Variants in KIF21A observed in about 807,000 individuals in gnomAD.
KIF21A encodes kinesin family member 21A.
In KIF21A, 114 loss-of-function variants were observed where a neutral mutation model predicts 202.9. The observed-to-expected ratio is 0.56, with a 90% CI of 0.48 to 0.66. The LOEUF (loss-of-function observed/expected upper bound fraction) is 0.66. KIF21A is among the 30% of genes least tolerant of loss of function. The probability of loss-of-function intolerance (pLI) is 0.00; values close to 1 mark genes in which losing one functional copy is unlikely to be tolerated. For synonymous variants in KIF21A, 667 were observed against 670.8 expected, an observed-to-expected ratio of 0.99 and a Z score of 0.09; for missense variants, 1,677 against 1,994.9, an observed-to-expected ratio of 0.84 and a Z score of 3.04.
chr12:39,441,166 C>T (rs1253130494), intron 1 of KIF21A, among the ~76,000 whole-genome samples: 1 of 151,994 alleles, frequency 6.6e-6, no homozygotes, highest in Non-Finnish European at 1.5e-5. Context: ...AAAATCAAAC[C>T]CACATTCATT....
intron 37 of KIF21A, 115 bp downstream of exon 37, chr12:39,301,365 T>G: frequency 1.1e-6 from 1 of 912,162 alleles, no homozygotes; most frequent in Non-Finnish European, 1.8e-6. Flanking sequence ...AAACAGACAT[T>G]AGAATGATTA....
intron 1 of KIF21A, among the ~76,000 whole-genome samples, chr12:39,383,560 A>T (rs1950754617): frequency 6.6e-6 from 1 of 152,246 alleles, no homozygotes; most frequent in Non-Finnish European, 1.5e-5. Flanking sequence ...TAGCCACTGC[A>T]GGAGAAATAA....
At chr12:39,410,270 T>G (rs1952979301) in intron 1 of KIF21A, among the ~76,000 whole-genome samples, 1 of 152,180 alleles carries the variant, frequency 6.6e-6, no homozygotes, top group South Asian at 2.1e-4. Context: ...TAAAACCAAT[T>G]TTGAACTTCT....
At position 39,367,162 on chromosome 12, in the gene KIF21A, CATCTGAAAA is replaced by C; in HGVS notation, c.601-7_602del. On this transcript the variant is annotated splice_acceptor_variant and splice_polypyrimidine_tract_variant and coding_sequence_variant and intron_variant, in exon 5 of 38. Coordinates refer to ENST00000361418, the MANE Select transcript of KIF21A (RefSeq NM_001173464.2). LOFTEE classifies it high-confidence loss of function. ...AAGCACCCAACTTCAAACACTGCAT[CATCTGAAAA>C]AGGGGAAGAAACAAGGACTTTACTT... The C allele has an allele frequency of 6.2e-7, 1 of 1,613,734 alleles. No individual in the cohort carries two copies. Among genetic ancestry groups the C allele is most frequent in the Non-Finnish European group, 8.5e-7 (1 of 1,179,804 alleles).
chr12:39,313,779 A>G (rs1161827459), intron 31 of KIF21A, among the ~76,000 whole-genome samples: 1 of 151,928 alleles, frequency 6.6e-6, no homozygotes, highest in Non-Finnish European at 1.5e-5. Flanking sequence ...TTCAGGAGAA[A>G]GACAGCGATA....
chr12:39,359,202 C>G (rs932800915), intron 7 of KIF21A, among the ~76,000 whole-genome samples: 2 of 152,108 alleles, frequency 1.3e-5, no homozygotes, highest in African/African-American at 2.4e-5. Flanking sequence ...ACACAGTACT[C>G]GTAGGTACCC....
intron 29 of KIF21A, among the ~76,000 whole-genome samples, chr12:39,317,320 A>G (rs1053793678): frequency 6.6e-6 from 1 of 152,160 alleles, no homozygotes; most frequent in African/African-American, 2.4e-5. Context: ...GAGATTATTG[A>G]TTTATACAGG....
At chr12:39,434,192 T>A (rs1360601279) in intron 1 of KIF21A, among the ~76,000 whole-genome samples, 2 of 152,088 alleles carry the variant, frequency 1.3e-5, no homozygotes, top group Non-Finnish European at 2.9e-5. Flanking sequence ...TGCTGCCTCA[T>A]CCTAAGGCGG....
chr12:39,387,849 G>A (rs893459274), intron 1 of KIF21A, among the ~76,000 whole-genome samples: 1 of 152,142 alleles, frequency 6.6e-6, no homozygotes, highest in Admixed American at 6.5e-5. Flanking sequence ...GAAAAAGACA[G>A]TGCACATGGC....
chr12:39,322,970 T>G, intron 26 of KIF21A, 88 bp from the exon 27 acceptor site: 1 of 997,208 alleles, frequency 1.0e-6, no homozygotes, highest in African/African-American at 1.6e-5. Flanking sequence ...GAGTTTGAAA[T>G]AGGTAAAACA....
intron 1 of KIF21A, among the ~76,000 whole-genome samples, chr12:39,407,646 G>A (rs978042468): frequency 6.6e-6 from 1 of 152,116 alleles, no homozygotes; most frequent in Non-Finnish European, 1.5e-5. Context: ...CTAGAGGTTA[G>A]GTAACTTGCT....
chr12:39,341,133 G>A (rs761334270), intron 14 of KIF21A, 39 bp from the exon 15 acceptor site: 5 of 1,423,200 alleles, frequency 3.5e-6, no homozygotes, highest in Non-Finnish European at 3.9e-6. Flanking sequence ...CTGGTGCTAG[G>A]CCAAAATATC....
chr12:39,355,707 TTATATA>T (rs10580436), intron 10 of KIF21A, among the ~76,000 whole-genome samples: 4 of 101,228 alleles, frequency 4.0e-5, no homozygotes, highest in East Asian at 3.2e-4. Context: ...GCATGAACAA[TTATATA>T]TATATATATA....
Position 39,311,404 on chromosome 12 carries a change from T to C in KIF21A, c.4096+13A>G. The C allele has an allele frequency of 6.2e-7, 1 of 1,611,252 alleles. No individual in the cohort carries two copies. The highest frequency in any genetic ancestry group is 8.5e-7 in the Non-Finnish European group (1 of 1,177,950). On this transcript the variant is annotated intron_variant, in intron 32 of 37. Transcript: ENST00000361418. Reference sequence around the variant, plus strand: ...AAAGCTATTAAATATCTGCATTAGATAACTACTAGCACCTTTTGATCCAGT... The same window carrying C: ...AAAGCTATTAAATATCTGCATTAGACAACTACTAGCACCTTTTGATCCAGT...
chr12:39,330,154 T>G, intron 24 of KIF21A, 88 bp downstream of exon 24: 1 of 1,306,452 alleles, frequency 7.7e-7, no homozygotes, highest in Non-Finnish European at 1.1e-6. Context: ...AATAAAAATC[T>G]TTAAAATAAG....
chr12:39,330,704 C>T (rs372345896), intron 23 of KIF21A, 42 bp downstream of exon 23: 83 of 1,591,664 alleles, frequency 5.2e-5, no homozygotes, highest in Non-Finnish European at 6.6e-5. Context: ...AAAAGCAAAG[C>T]TACCATGCAA....
At chr12:39,426,163 C>A (rs1369123492) in intron 1 of KIF21A, among the ~76,000 whole-genome samples, 1 of 152,118 alleles carries the variant, frequency 6.6e-6, no homozygotes, top group East Asian at 1.9e-4. Flanking sequence ...ACAAAGGAGT[C>A]TTAAATTGTA....
At chr12:39,302,326 T>C (rs925175739) in intron 36 of KIF21A, among the ~76,000 whole-genome samples, 4 of 134,566 alleles carry the variant, frequency 3.0e-5, no homozygotes, top group Non-Finnish European at 4.4e-5. Flanking sequence ...TTTATGTTTC[T>C]TGTTTGTTTG....
At chr12:39,385,062 T>C (rs1253390115) in intron 1 of KIF21A, among the ~76,000 whole-genome samples, 1 of 152,162 alleles carries the variant, frequency 6.6e-6, no homozygotes, top group African/African-American at 2.4e-5. Context: ...CCTTTGCTGT[T>C]TTCTATGAAT....
Sources: allele counts gnomAD v4.1 joint callset (sites outside exome capture counted in the v4.1 genomes callset), GRCh38; gene constraint gnomAD v4.1.1; transcripts MANE v1.5; gene names NCBI Gene and HGNC (gene_info 2026-07-23, HGNC 2026-07-21).